Variants in SEPTIN6 observed in about 807,000 individuals in gnomAD.
The protein encoded by SEPTIN6 is septin 6.
In SEPTIN6, 8 loss-of-function variants were observed where a neutral mutation model predicts 33.6. That is an observed-to-expected ratio of 0.24 (90% CI 0.14 to 0.43). The LOEUF is 0.43. Among genes scored for constraint, SEPTIN6 ranks in the 20% least tolerant of loss-of-function variants. The probability of loss-of-function intolerance (pLI) is 1.00; values close to 1 mark genes in which losing one functional copy is unlikely to be tolerated. For missense variants in SEPTIN6, 250 were observed against 340.8 expected, an observed-to-expected ratio of 0.73 and a Z score of 2.10; for synonymous variants, 131 against 140.0, an observed-to-expected ratio of 0.94 and a Z score of 0.45.
chrX:119,629,581 G>T, intron 8 of SEPTIN6, 73 bp from the exon 9 acceptor site: 1 of 977,149 alleles, frequency 1.0e-6, no homozygotes, highest in Non-Finnish European at 1.4e-6. Flanking sequence ...GCCCAGGTGG[G>T]TGGGGACCAG....
At chrX:119,649,487 T>TAAAA (rs550577767) in intron 5 of SEPTIN6, among the ~76,000 whole-genome samples, 6 of 81,097 alleles carry the variant, frequency 7.4e-5, no homozygotes, top group African/African-American at 2.9e-4. Context: ...GATCCTGTCT[T>TAAAA]AAAAAAAAAA....
At chrX:119,637,790 T>C (rs1049694055) in intron 6 of SEPTIN6, among the ~76,000 whole-genome samples, 2 of 112,470 alleles carry the variant, frequency 1.8e-5, no homozygotes, top group Non-Finnish European at 3.7e-5. Context: ...CAGGAGCTTA[T>C]AGTTTAGAGG....
intron 8 of SEPTIN6, 105 bp from the exon 9 acceptor site, chrX:119,629,613 C>A: frequency 1.5e-6 from 1 of 672,774 alleles, no homozygotes; most frequent in Non-Finnish European, 2.3e-6. Context: ...CCCTGCAGGA[C>A]CCTGGAACCT....
At chrX:119,660,029 T>C (rs1288113719) in intron 3 of SEPTIN6, among the ~76,000 whole-genome samples, 2 of 111,218 alleles carry the variant, frequency 1.8e-5, no homozygotes, top group African/African-American at 3.3e-5. Flanking sequence ...CATACCACCA[T>C]GCCCAGCTAA....
At chrX:119,640,038 C>T (rs1176373990) in intron 6 of SEPTIN6, among the ~76,000 whole-genome samples, 5 of 108,485 alleles carry the variant, frequency 4.6e-5, no homozygotes, top group African/African-American at 1.7e-4. Flanking sequence ...TCTCGAGCTC[C>T]TGACCTCAGG....
chrX:119,636,106 T>C (rs2054056882), intron 7 of SEPTIN6, among the ~76,000 whole-genome samples: 1 of 111,140 alleles, frequency 9.0e-6, no homozygotes, highest in South Asian at 3.9e-4. Flanking sequence ...CACCTGTCAG[T>C]ATATAGGGCA....
intron 6 of SEPTIN6, among the ~76,000 whole-genome samples, chrX:119,638,873 T>TA (rs1464467126): frequency 1.8e-5 from 2 of 112,309 alleles, no homozygotes; most frequent in Admixed American, 1.9e-4. Flanking sequence ...ACAGTCAACT[T>TA]AGACTTACAA....
Position 119,629,475 on chromosome X carries a change from G to A in SEPTIN6, c.1123C>T (p.His375Tyr). 8.3e-7 allele frequency: 1 copy of A among 1,211,336 alleles called. No individual in the cohort carries two copies. The highest frequency in any genetic ancestry group is 1.1e-6 in the Non-Finnish European group (1 of 895,246). Residue 375 changes from histidine (H) to tyrosine (Y), a missense_variant, in exon 9 of 11, where the codon CAC (histidine) becomes TAC (tyrosine). Around this residue, in one of 2 missense-constraint regions of SEPTIN6, gnomAD observed 139 missense variants for 227.0 expected, o/e 0.61. Coordinates refer to ENST00000394610, the MANE Select transcript of SEPTIN6 (RefSeq NM_145799.4). ...TCCAGTTTCTTCTTCTCGTCCTGGT[G>A]CAGTTTCTTCAGACGGTCAAACTTC... Reference protein sequence around the residue: ...HEKFDRLKKLHQDEKKKLEDK... With the variant: ...HEKFDRLKKLYQDEKKKLEDK...
intron 3 of SEPTIN6, among the ~76,000 whole-genome samples, chrX:119,658,111 T>A (rs768269005): frequency 1.2e-4 from 14 of 112,048 alleles, no homozygotes; most frequent in East Asian, 2.8e-4. Flanking sequence ...TGGGCAACAG[T>A]GCGAAAGTCC....
chrX:119,660,244 T>G (rs746002947), intron 3 of SEPTIN6, among the ~76,000 whole-genome samples: 2 of 112,316 alleles, frequency 1.8e-5, no homozygotes, highest in African/African-American at 6.5e-5. Context: ...AGTTTATGCA[T>G]GAGCCCTTGT....
chrX:119,656,723 T>C (rs1287751295), intron 3 of SEPTIN6, among the ~76,000 whole-genome samples: 5 of 110,738 alleles, frequency 4.5e-5, no homozygotes, highest in Non-Finnish European at 9.5e-5. Flanking sequence ...CCGTCTCTAC[T>C]AAAAATATAA....
intron 2 of SEPTIN6, among the ~76,000 whole-genome samples, chrX:119,665,105 T>A (rs1264442988): frequency 1.0e-5 from 1 of 100,213 alleles, no homozygotes; most frequent in Non-Finnish European, 2.0e-5. Flanking sequence ...TTCTTCTTCT[T>A]TTTTTTTTTT....
chrX:119,685,610 G>A (rs766843421), intron 1 of SEPTIN6, among the ~76,000 whole-genome samples: 7 of 111,724 alleles, frequency 6.3e-5, no homozygotes, highest in African/African-American at 2.3e-4. Flanking sequence ...TAGTGACAGA[G>A]AATAGTGCTA....
At chrX:119,679,002 C>T (rs892118979) in intron 1 of SEPTIN6, among the ~76,000 whole-genome samples, 1 of 110,858 alleles carries the variant, frequency 9.0e-6, no homozygotes, top group African/African-American at 3.3e-5. Context: ...GGCTAGAGTG[C>T]AGTGGCGCGA....
chrX:119,671,851 T>C (rs1370547901), intron 2 of SEPTIN6, among the ~76,000 whole-genome samples: 1 of 112,144 alleles, frequency 8.9e-6, no homozygotes, highest in Non-Finnish European at 1.9e-5. Flanking sequence ...AGGGAGTAAA[T>C]GTACACAGGC....
chrX:119,685,702 T>A (rs2055044320), intron 1 of SEPTIN6, among the ~76,000 whole-genome samples: 1 of 111,174 alleles, frequency 9.0e-6, no homozygotes, highest in Admixed American at 9.6e-5. Context: ...TTTAGACTGG[T>A]AAAATTCCGG....
At chrX:119,657,840 T>C (rs1291450308) in intron 3 of SEPTIN6, among the ~76,000 whole-genome samples, 1 of 112,016 alleles carries the variant, frequency 8.9e-6, no homozygotes, top group African/African-American at 3.2e-5. Flanking sequence ...GAACACCTAT[T>C]CTCGACCGGG....
intron 5 of SEPTIN6, among the ~76,000 whole-genome samples, chrX:119,646,173 A>G (rs2054254192): frequency 9.0e-6 from 1 of 111,381 alleles, no homozygotes; most frequent in African/African-American, 3.3e-5. Flanking sequence ...ACTGAACAAG[A>G]CCATTGGCTG....
rs1556306412 is a variant in SEPTIN6 at position 119,647,484 on chromosome X, T to TC, written c.690+2452_690+2453insG. 3.5e-4 allele frequency among the ~76,000 whole-genome samples: 14 copies of TC among 39,625 alleles called. 1 individual carries two copies. The South Asian group carries it at 4.6e-3, about 13-fold the overall frequency. The allele number at this position is 39,625 out of a possible 115,157, so 34.4% of individuals were successfully genotyped here. ...TTCTTTCCTTTCCTTTCTCTCTCTCTTTTTTTTTTTTTGTGAGACAGGGTG... is the reference window on the plus strand; with the variant it reads ...TTCTTTCCTTTCCTTTCTCTCTCTCTCTTTTTTTTTTTTGTGAGACAGGGTG... On this transcript the variant is annotated intron_variant, in intron 5 of 10. Transcript: ENST00000394610.
Sources: gnomAD v4.1 joint callset for allele counts (sites outside exome capture counted in the v4.1 genomes callset) on GRCh38, gnomAD v4.1.1 for gene constraint, gnomAD v4.1.1 regional missense constraint, MANE v1.5 for transcripts, NCBI Gene and HGNC (gene_info 2026-07-23, HGNC 2026-07-21) for gene names.